The following IL7 variants were observed in gnomAD, a reference collection of about 807,000 sequenced individuals.
The protein encoded by IL7 is interleukin 7, also known as interleukin-7.
In IL7, 3 loss-of-function variants were observed where a neutral mutation model predicts 21.6. The observed-to-expected ratio is 0.14, with a 90% CI of 0.06 to 0.36. The LOEUF (loss-of-function observed/expected upper bound fraction) is 0.36. Among genes scored for constraint, IL7 ranks in the 10% least tolerant of loss-of-function variants. The probability of loss-of-function intolerance (pLI) is 1.00; values close to 1 mark genes in which losing one functional copy is unlikely to be tolerated. For missense variants in IL7, 175 were observed against 200.2 expected, an observed-to-expected ratio of 0.87 and a Z score of 0.76; for synonymous variants, 62 against 68.1, an observed-to-expected ratio of 0.91 and a Z score of 0.44.
At chr8:78,684,543 A>T (rs987873147) in intron 4 of IL7, among the ~76,000 whole-genome samples, 8 of 152,214 alleles carry the variant, frequency 5.3e-5, no homozygotes, top group African/African-American at 1.9e-4. Context: ...ACACAGCCAA[A>T]CTATATCAAT....
intron 4 of IL7, among the ~76,000 whole-genome samples, chr8:78,737,052 C>A (rs1377178528): frequency 2.0e-5 from 3 of 152,030 alleles, no homozygotes; most frequent in Non-Finnish European, 4.4e-5. Context: ...TCAAGTTAAT[C>A]AATGTAATAT....
intron 3 of IL7, among the ~76,000 whole-genome samples, chr8:78,726,016 T>C (rs991587351): frequency 1.3e-5 from 2 of 151,962 alleles, no homozygotes; most frequent in African/African-American, 4.8e-5. Flanking sequence ...AAAAGAAATA[T>C]GTCAAGCAAG....
Position 78,676,538 on chromosome 8 carries a change from A to G in IL7, n.274-434T>C, listed in dbSNP as rs2070209858. Among the ~76,000 whole-genome samples, 4 of 152,124 alleles carry G rather than the reference A, an allele frequency of 2.6e-5. No homozygotes were observed. The East Asian group carries it at 5.8e-4, about 22-fold the overall frequency. On this transcript the variant is annotated intron_variant and non_coding_transcript_variant, in intron 4 of 4. Transcript: ENST00000523959. ...ATTTTAACTTCAAACACAAATACAC[A>G]TTTATTAATACTTTAATGTAAGACA...
chr8:78,769,042 T>C (rs1812859590), intron 2 of IL7, among the ~76,000 whole-genome samples: 3 of 152,208 alleles, frequency 2.0e-5, no homozygotes, highest in Admixed American at 6.5e-5. Context: ...CTCAAAATCA[T>C]AAGAGCTATC....
At chr8:78,750,339 A>T (rs558437704) in intron 2 of IL7, among the ~76,000 whole-genome samples, 8 of 152,258 alleles carry the variant, frequency 5.3e-5, no homozygotes, top group Middle Eastern at 3.4e-3. Context: ...TCCACACCGT[A>T]TTGTGACATC....
downstream of IL7, among the ~76,000 whole-genome samples, chr8:78,728,435 A>ACAGAG (rs1160421433): frequency 4.6e-5 from 7 of 152,186 alleles, no homozygotes; most frequent in Non-Finnish European, 7.4e-5. Flanking sequence ...GATCATCAGA[A>ACAGAG]CAGAGCAGAG....
chr8:78,761,339 G>C, intron 2 of IL7: 1 of 1,611,660 alleles, frequency 6.2e-7, no homozygotes, highest in Non-Finnish European at 8.5e-7. Context: ...CATATTTAAG[G>C]CACAGAAAGA....
At chr8:78,693,179 C>T (rs1414771650) in intron 3 of IL7, among the ~76,000 whole-genome samples, 1 of 152,108 alleles carries the variant, frequency 6.6e-6, no homozygotes, top group Admixed American at 6.5e-5. Context: ...GTGAATAGTG[C>T]CGCAATAAAC....
intron 2 of IL7, among the ~76,000 whole-genome samples, chr8:78,773,036 T>C (rs1014966775): frequency 6.6e-6 from 1 of 152,160 alleles, no homozygotes; most frequent in African/African-American, 2.4e-5. Flanking sequence ...ATAATTTACA[T>C]TGATTGATTT....
At chr8:78,799,408 T>A (rs763415172) in intron 1 of IL7, among the ~76,000 whole-genome samples, 2 of 152,104 alleles carry the variant, frequency 1.3e-5, no homozygotes, top group Non-Finnish European at 2.9e-5. Context: ...TAGAGAAAAT[T>A]TTCTGGGTAG....
intron 2 of IL7, chr8:78,760,286 G>A (rs1812505825): frequency 6.2e-7 from 1 of 1,606,184 alleles, no homozygotes; most frequent in Middle Eastern, 2.3e-4. Context: ...TTGACCTTTG[G>A]TCTGTCAAAG....
chr8:78,730,967 G>A (rs1020648670), downstream of IL7, among the ~76,000 whole-genome samples: 2 of 151,958 alleles, frequency 1.3e-5, no homozygotes, highest in African/African-American at 2.4e-5. Flanking sequence ...CAGGGTTGGC[G>A]TAGAATTTGC....
chr8:78,786,029 C>A (rs963768894), intron 2 of IL7, among the ~76,000 whole-genome samples: 1 of 151,930 alleles, frequency 6.6e-6, no homozygotes, highest in Admixed American at 6.6e-5. Context: ...AATTTTAGGT[C>A]CACAAAAAAA....
At chr8:78,785,831 G>GA (rs1813492580) in intron 2 of IL7, among the ~76,000 whole-genome samples, 1 of 152,122 alleles carries the variant, frequency 6.6e-6, no homozygotes, top group Non-Finnish European at 1.5e-5. Context: ...CTTCTCTGTT[G>GA]AATTTCTAAG....
intron 2 of IL7, among the ~76,000 whole-genome samples, chr8:78,752,560 A>T (rs989459055): frequency 6.6e-6 from 1 of 151,902 alleles, no homozygotes; most frequent in African/African-American, 2.4e-5. Context: ...GGCCATTTGT[A>T]TGTTTTAGTT....
At chr8:78,800,133 T>C (rs1481650344) in intron 1 of IL7, among the ~76,000 whole-genome samples, 4 of 152,208 alleles carry the variant, frequency 2.6e-5, no homozygotes, top group Non-Finnish European at 5.9e-5. Context: ...TGTCCATCTG[T>C]ACCACTGTTT....
intron 1 of IL7, among the ~76,000 whole-genome samples, chr8:78,802,378 G>C (rs1014779398): frequency 2.6e-5 from 4 of 151,634 alleles, no homozygotes. Context: ...TATAGATGGA[G>C]AATCTGGGGC....
At chr8:78,689,482 T>G (rs1810138160) in intron 3 of IL7, 1 of 1,009,914 alleles carries the variant, frequency 9.9e-7, no homozygotes, top group Non-Finnish European at 1.4e-6. Flanking sequence ...TCACCTGCTT[T>G]TATAGATATA....
At chr8:78,761,931 G>A in intron 2 of IL7, 3 of 1,611,142 alleles carry the variant, frequency 1.9e-6, no homozygotes, top group Non-Finnish European at 2.5e-6. Flanking sequence ...AGATATTTGA[G>A]GTATTCTTTG....
Sources: gnomAD v4.1 joint callset for allele counts (sites outside exome capture counted in the v4.1 genomes callset) on GRCh38, gnomAD v4.1.1 for gene constraint, MANE v1.5 for transcripts, NCBI Gene and HGNC (gene_info 2026-07-23, HGNC 2026-07-21) for gene names.